The following SGCZ variants were observed in gnomAD, a reference collection of about 807,000 sequenced individuals.
The protein encoded by SGCZ is sarcoglycan zeta.
Under a neutral mutation model 41.3 loss-of-function variants are expected in SGCZ, and 40 were observed. The observed-to-expected ratio is 0.97, with a 90% CI of 0.75 to 1.26. SGCZ has a LOEUF of 1.26. Among genes scored for constraint, SGCZ ranks in the 50% most tolerant of loss-of-function variants. SGCZ has a pLI of 0.00. For synonymous variants in SGCZ, 206 were observed against 137.5 expected (o/e 1.50, Z -3.49); for missense variants, 552 against 369.8 (o/e 1.49, Z -4.04).
chr8:15,048,879 T>G (rs899210630), intron 1 of SGCZ, among the ~76,000 whole-genome samples: 3 of 152,126 alleles, frequency 2.0e-5, no homozygotes, highest in Non-Finnish European at 4.4e-5. Flanking sequence ...ATTTACACCC[T>G]GACCATCTTC....
At chr8:15,026,793 G>T (rs1490532898) in intron 1 of SGCZ, among the ~76,000 whole-genome samples, 7 of 152,140 alleles carry the variant, frequency 4.6e-5, no homozygotes, top group African/African-American at 1.7e-4. Context: ...ATTGTGAGAA[G>T]CTCTAGCTTT....
intron 1 of SGCZ, among the ~76,000 whole-genome samples, chr8:14,576,552 T>A (rs1804718249): frequency 6.6e-6 from 1 of 152,218 alleles, no homozygotes; most frequent in South Asian, 2.1e-4. Context: ...ATGGAATTAT[T>A]TTTAGAATTG....
chr8:14,246,286 G>A (rs1799086930), intron 3 of SGCZ, among the ~76,000 whole-genome samples: 1 of 152,168 alleles, frequency 6.6e-6, no homozygotes, highest in Non-Finnish European at 1.5e-5. Context: ...ATGAGTTCAT[G>A]TCCTTTGTAG....
At chr8:14,575,913 C>CAAAA (rs66656586) in intron 1 of SGCZ, among the ~76,000 whole-genome samples, 238 of 99,968 alleles carry the variant, frequency 2.4e-3, no homozygotes, top group African/African-American at 4.7e-3. Context: ...CTCAAAATAA[C>CAAAA]AAAAAAAAAA....
At chr8:14,831,632 ATG>A (rs142488527) in intron 1 of SGCZ, among the ~76,000 whole-genome samples, 14 of 150,842 alleles carry the variant, frequency 9.3e-5, no homozygotes, top group African/African-American at 1.7e-4. Flanking sequence ...ATAGACACAT[ATG>A]TGTGTGTGTG....
chr8:14,392,906 T>C (rs939974009), intron 2 of SGCZ, among the ~76,000 whole-genome samples: 1 of 152,160 alleles, frequency 6.6e-6, no homozygotes, highest in Non-Finnish European at 1.5e-5. Context: ...AGTTAGAGTT[T>C]ATATTTTTAC....
At position 14,821,104 on chromosome 8, in the gene SGCZ, CAAAT is replaced by C. The variant is rs1369840974; in HGVS notation, c.40-266182_40-266179del. Among the ~76,000 whole-genome samples, 7 of 151,630 alleles carry C rather than the reference CAAAT, an allele frequency of 4.6e-5. No homozygotes were observed. The East Asian group carries it at 1.3e-3, about 29-fold the overall frequency. On this transcript the variant is annotated intron_variant, in intron 1 of 7. Coordinates refer to ENST00000382080, the MANE Select transcript of SGCZ (RefSeq NM_139167.4). ...TAGACAACAAAAATAAAAGAAAACT[CAAAT>C]AAAATCAGAGATGAAAAAAGAAATG...
intron 1 of SGCZ, among the ~76,000 whole-genome samples, chr8:14,661,499 A>T (rs1025874562): frequency 2.0e-5 from 3 of 152,178 alleles, no homozygotes. Context: ...TCCTCTTTTC[A>T]AATACAGCAC....
chr8:14,848,890 G>GA (rs1803225597), intron 1 of SGCZ, among the ~76,000 whole-genome samples: 1 of 152,078 alleles, frequency 6.6e-6, no homozygotes, highest in South Asian at 2.1e-4. Context: ...ACATGGTTAA[G>GA]AAAATGCAAA....
intron 2 of SGCZ, among the ~76,000 whole-genome samples, chr8:14,543,998 A>G (rs931096953): frequency 6.6e-6 from 1 of 152,094 alleles, no homozygotes; most frequent in Admixed American, 6.6e-5. Context: ...AGCTTCACCT[A>G]TCAGCAGATG....
intron 1 of SGCZ, among the ~76,000 whole-genome samples, chr8:14,814,502 T>G (rs182164280): frequency 6.6e-6 from 1 of 152,148 alleles, no homozygotes; most frequent in Non-Finnish European, 1.5e-5. Context: ...CCCCCAGAAG[T>G]GCCATAAGAA....
chr8:14,627,471 T>G (rs1203015799), intron 1 of SGCZ, among the ~76,000 whole-genome samples: 1 of 152,140 alleles, frequency 6.6e-6, no homozygotes, highest in East Asian at 1.9e-4. Flanking sequence ...TCAGTGGATT[T>G]TCCACTGTCC....
chr8:14,711,454 A>T (rs1033913903), intron 1 of SGCZ, among the ~76,000 whole-genome samples: 2 of 137,624 alleles, frequency 1.5e-5, no homozygotes, highest in Non-Finnish European at 3.2e-5. Context: ...AAAAAAAAAA[A>T]AGTTAGGCAT....
chr8:14,148,996 T>C (rs537230646), intron 5 of SGCZ, among the ~76,000 whole-genome samples: 1 of 152,000 alleles, frequency 6.6e-6, no homozygotes, highest in Non-Finnish European at 1.5e-5. Context: ...CTCTTCATGA[T>C]AAAAACCCCC....
intron 2 of SGCZ, among the ~76,000 whole-genome samples, chr8:14,355,380 T>C (rs1803256865): frequency 6.6e-6 from 1 of 152,146 alleles, no homozygotes; most frequent in Non-Finnish European, 1.5e-5. Context: ...GATTGATTTA[T>C]CTCCCTTTTG....
chr8:15,172,737 G>A (rs1441984418), intron 1 of SGCZ, among the ~76,000 whole-genome samples: 7 of 152,064 alleles, frequency 4.6e-5, no homozygotes, highest in South Asian at 2.1e-4. Context: ...ATCAACATGC[G>A]TAGAAACATT....
intron 2 of SGCZ, among the ~76,000 whole-genome samples, chr8:14,330,084 A>C (rs1802259620): frequency 6.6e-6 from 1 of 152,148 alleles, no homozygotes; most frequent in Admixed American, 6.6e-5. Flanking sequence ...GTCAGAAATA[A>C]CATTGTTTTC....
intron 2 of SGCZ, among the ~76,000 whole-genome samples, chr8:14,438,516 G>C (rs1477010712): frequency 2.0e-5 from 3 of 151,890 alleles, no homozygotes; most frequent in African/African-American, 4.8e-5. Context: ...TTCTATTCTA[G>C]ACTTGTACAT....
intron 1 of SGCZ, among the ~76,000 whole-genome samples, chr8:15,191,221 A>C (rs1454083443): frequency 6.6e-6 from 1 of 152,094 alleles, no homozygotes; most frequent in Non-Finnish European, 1.5e-5. Context: ...TAGGGTCTAA[A>C]CTTAATTACA....
Sources: allele counts gnomAD v4.1 joint callset (sites outside exome capture counted in the v4.1 genomes callset), GRCh38; gene constraint gnomAD v4.1.1; transcripts MANE v1.5; gene names NCBI Gene and HGNC (gene_info 2026-07-23, HGNC 2026-07-21).